The following RNF150 variants were observed in gnomAD, a reference collection of about 807,000 sequenced individuals.
RNF150 encodes the protein ring finger protein 150.
A neutral mutation model predicts 39.3 loss-of-function variants in RNF150; 24 were observed. That is an observed-to-expected ratio of 0.61 (90% confidence interval 0.44 to 0.86). RNF150 has a LOEUF of 0.86. RNF150 is among the 40% of genes least tolerant of loss of function. The probability of loss-of-function intolerance (pLI) is 0.00; values close to 1 mark genes in which losing one functional copy is unlikely to be tolerated. For synonymous variants in RNF150, 255 were observed against 227.3 expected (o/e 1.12, Z -1.10); for missense variants, 502 against 587.8 (o/e 0.85, Z 1.51).
chr4:140,910,075 G>GTTCT (rs1017986316), intron 6 of RNF150, among the ~76,000 whole-genome samples: 19 of 151,834 alleles, frequency 1.3e-4, no homozygotes, highest in African/African-American at 4.4e-4. Context: ...TTTTTAGTCT[G>GTTCT]TTCTTTCTTT....
chr4:140,874,994 T>C (rs1729094280), intron 6 of RNF150, among the ~76,000 whole-genome samples: 1 of 152,148 alleles, frequency 6.6e-6, no homozygotes, highest in Admixed American at 6.5e-5. Context: ...AATTTAATAT[T>C]CTTAATTAAC....
At chr4:140,905,432 A>G (rs1730336718) in intron 6 of RNF150, among the ~76,000 whole-genome samples, 1 of 151,976 alleles carries the variant, frequency 6.6e-6, no homozygotes, top group South Asian at 2.1e-4. Context: ...TCCCTCCCCT[A>G]CCCATCACTC....
At chr4:141,060,033 C>T (rs1287243740) in intron 1 of RNF150, among the ~76,000 whole-genome samples, 1 of 152,168 alleles carries the variant, frequency 6.6e-6, no homozygotes, top group African/African-American at 2.4e-5. Flanking sequence ...GAAGCTTCTA[C>T]AGCCATCAAA....
intron 1 of RNF150, among the ~76,000 whole-genome samples, chr4:141,010,864 G>A (rs182364696): frequency 8.4e-4 from 128 of 152,188 alleles, no homozygotes; most frequent in Non-Finnish European, 1.1e-3. Context: ...GGTTCTGCAT[G>A]GGCTCCTCTC....
chr4:140,959,591 T>C (rs546964692), intron 2 of RNF150, among the ~76,000 whole-genome samples: 1 of 152,156 alleles, frequency 6.6e-6, no homozygotes, highest in Admixed American at 6.5e-5. Context: ...GAAAAAATGA[T>C]AGGGCTACCA....
intron 1 of RNF150, among the ~76,000 whole-genome samples, chr4:141,171,534 A>G (rs1032290892): frequency 6.6e-6 from 1 of 151,738 alleles, no homozygotes; most frequent in Non-Finnish European, 1.5e-5. Flanking sequence ...TGAGCACAGA[A>G]TGGGGGAACT....
chr4:140,913,291 T>C (rs1044873704), intron 5 of RNF150, among the ~76,000 whole-genome samples: 6 of 152,022 alleles, frequency 3.9e-5, no homozygotes, highest in African/African-American at 1.4e-4. Context: ...ACAAAAACCA[T>C]GGGTATGTTT....
At chr4:141,105,021 T>A (rs1229867714) in intron 1 of RNF150, among the ~76,000 whole-genome samples, 1 of 152,190 alleles carries the variant, frequency 6.6e-6, no homozygotes, top group Non-Finnish European at 1.5e-5. Flanking sequence ...TGCGTTGCCC[T>A]CATTTTCATA....
At chr4:140,953,181 A>T (rs1732607861) in intron 2 of RNF150, among the ~76,000 whole-genome samples, 1 of 152,224 alleles carries the variant, frequency 6.6e-6, no homozygotes, top group Admixed American at 6.5e-5. Context: ...CATCTTCAAC[A>T]TCAAGTCTAT....
intron 1 of RNF150, among the ~76,000 whole-genome samples, chr4:141,124,724 C>T (rs1726705739): frequency 6.6e-6 from 1 of 152,068 alleles, no homozygotes; most frequent in Non-Finnish European, 1.5e-5. Flanking sequence ...GGAATCTGCC[C>T]ATAAAAAGCC....
intron 1 of RNF150, among the ~76,000 whole-genome samples, chr4:141,029,318 A>T (rs553946604): frequency 6.6e-6 from 1 of 152,210 alleles, no homozygotes; most frequent in African/African-American, 2.4e-5. Flanking sequence ...CTGCTGGTAT[A>T]CCTTATATTT....
chr4:141,068,439 C>T (rs958674111), intron 1 of RNF150, among the ~76,000 whole-genome samples: 1 of 152,048 alleles, frequency 6.6e-6, no homozygotes, highest in South Asian at 2.1e-4. Flanking sequence ...GGTACCAGTA[C>T]CATGCTGTTT....
At chr4:141,194,410 A>G (rs1357442885) in intron 1 of RNF150, among the ~76,000 whole-genome samples, 1 of 152,196 alleles carries the variant, frequency 6.6e-6, no homozygotes, top group African/African-American at 2.4e-5. Flanking sequence ...ACATAACTGA[A>G]TCTTAATAGC....
intron 1 of RNF150, among the ~76,000 whole-genome samples, chr4:141,187,697 G>T (rs1728037487): frequency 6.6e-6 from 1 of 152,018 alleles, no homozygotes; most frequent in Non-Finnish European, 1.5e-5. Flanking sequence ...CTTTCCATTT[G>T]CTTGGTAAAT....
intron 1 of RNF150, among the ~76,000 whole-genome samples, chr4:141,086,027 T>TACACACAC (rs10527153): frequency 1.4e-3 from 202 of 140,106 alleles, no homozygotes; most frequent in Non-Finnish European, 1.7e-3. Flanking sequence ...TGAGAAGAGT[T>TACACACAC]ACACACACAC....
At position 140,867,327 on chromosome 4, in the gene RNF150, G is replaced by A. The variant is rs2111173962; in HGVS notation, c.*934C>T. 6.6e-6 allele frequency: 1 copy of A among 152,250 alleles called. No homozygotes were observed. Among genetic ancestry groups the A allele is most frequent in the Middle Eastern group, 3.4e-3 (1 of 294 alleles). 9.4% of individuals were successfully genotyped at this position (152,250 alleles called of 1,614,324 possible). On this transcript the variant is annotated 3_prime_UTR_variant, in exon 7 of 7. Coordinates refer to ENST00000515673, the MANE Select transcript of RNF150 (RefSeq NM_020724.2). ...AAGAAAAAAACTGTTCTAGCCCAGG[G>A]GAAACCAATGCAACTGGCATTTTGT...
chr4:140,972,051 C>T (rs535610837), intron 1 of RNF150, among the ~76,000 whole-genome samples: 135 of 152,120 alleles, frequency 8.9e-4, no homozygotes, highest in Middle Eastern at 3.4e-3. Context: ...TTTATATTGT[C>T]CCATTTGTAG....
chr4:140,906,885 T>C (rs1376476263), intron 6 of RNF150, among the ~76,000 whole-genome samples: 1 of 152,034 alleles, frequency 6.6e-6, no homozygotes, highest in African/African-American at 2.4e-5. Flanking sequence ...AGGACTTGTG[T>C]AGTGACTCAG....
At chr4:140,984,171 C>G (rs1423052971) in intron 1 of RNF150, among the ~76,000 whole-genome samples, 1 of 152,114 alleles carries the variant, frequency 6.6e-6, no homozygotes, top group African/African-American at 2.4e-5. Context: ...ATTAGGGACA[C>G]TCAACCTGTA....
Sources: allele counts gnomAD v4.1 joint callset (sites outside exome capture counted in the v4.1 genomes callset), GRCh38; gene constraint gnomAD v4.1.1; transcripts MANE v1.5; gene names NCBI Gene and HGNC (gene_info 2026-07-23, HGNC 2026-07-21).